The following ALDH1L2 variants were observed in gnomAD, a reference collection of about 807,000 sequenced individuals.
The protein encoded by ALDH1L2 is aldehyde dehydrogenase 1 family member L2.
Under a neutral mutation model 111.0 loss-of-function variants are expected in ALDH1L2, and 91 were observed. The ratio of observed to expected loss-of-function variants is 0.82; its 90% CI spans 0.69 to 0.98. The LOEUF (loss-of-function observed/expected upper bound fraction) is 0.98, where lower values mean the gene tolerates loss of function less well. ALDH1L2 is among the 50% of genes least tolerant of loss of function. The pLI is 0.00. For synonymous variants in ALDH1L2, 374 were observed against 392.6 expected (o/e 0.95, Z 0.56); for missense variants, 995 against 1,126.8 (o/e 0.88, Z 1.67).
At chr12:105,045,733 G>T (rs944531648) in intron 15 of ALDH1L2, among the ~76,000 whole-genome samples, 3 of 151,988 alleles carry the variant, frequency 2.0e-5, no homozygotes, top group African/African-American at 7.3e-5. Context: ...CAAAATGGCC[G>T]TGGCCACATG....
chr12:105,037,922 G>A (rs190797315), intron 18 of ALDH1L2, among the ~76,000 whole-genome samples, 181 bp downstream of exon 18: 21 of 152,052 alleles, frequency 1.4e-4, no homozygotes, highest in Admixed American at 1.2e-3. Context: ...CCACCACCAC[G>A]CACGGCTAAT....
chr12:105,036,540 AT>A, intron 18 of ALDH1L2, among the ~76,000 whole-genome samples: 1 of 42,674 alleles, frequency 2.3e-5, no homozygotes. Flanking sequence ...ATATATATAT[AT>A]ATATATATAT....
rs115423782 is a variant in ALDH1L2, at chr12:105,084,317, C to T, written c.48+72G>A. On this transcript the variant is annotated intron_variant, in intron 1 of 22. Transcript: ENST00000258494. ...CTGCTCATCCCCAGCCCCACCGCCC[C>T]GGCCCTCCCGCCCCGGAGTCTGGAA... is the stretch of plus-strand genomic sequence containing the variant. 15,954 of 1,468,992 alleles carry T rather than the reference C, an allele frequency of 0.011. 1,489 individuals carry two copies. The African/African-American group carries it at 0.2, about 19-fold the overall frequency. 91.0% of individuals were successfully genotyped at this position (1,468,992 alleles called of 1,614,324 possible).
At chr12:105,072,748 C>T (rs894973419) in intron 2 of ALDH1L2, among the ~76,000 whole-genome samples, 11 of 152,050 alleles carry the variant, frequency 7.2e-5, no homozygotes, top group African/African-American at 1.7e-4. Context: ...CCAAGGTGGG[C>T]GGATCACCTG....
chr12:105,054,985 C>CA (rs1277144973), intron 10 of ALDH1L2, among the ~76,000 whole-genome samples: 1 of 151,994 alleles, frequency 6.6e-6, no homozygotes, highest in East Asian at 1.9e-4. Flanking sequence ...AATGGCTGAC[C>CA]AAAAAACAAG....
In ALDH1L2 at chr12:105,023,386, A is replaced by G. The variant is rs1411591526; in HGVS notation, c.*1038T>C. The G allele has an allele frequency of 1.3e-5, 2 of 152,234 alleles. No individual in the cohort carries two copies. Among genetic ancestry groups the G allele is most frequent in the African/African-American group, 4.8e-5 (2 of 41,460 alleles). 9.4% of individuals were successfully genotyped at this position (152,234 alleles called of 1,614,324 possible). On this transcript the variant is annotated 3_prime_UTR_variant, in exon 23 of 23. Coordinates refer to ENST00000258494, the MANE Select transcript of ALDH1L2 (RefSeq NM_001034173.4). ...GTGTGGCATTTTTCAGTGCTGCTGT[A>G]TCAGGCATTGTGTCAGAACAATGGA...
chr12:105,046,490 C>T (rs1443511745), intron 15 of ALDH1L2, among the ~76,000 whole-genome samples: 1 of 151,528 alleles, frequency 6.6e-6, no homozygotes, highest in Non-Finnish European at 1.5e-5. Flanking sequence ...ACCATGCTTG[C>T]TTCTATTATT....
rs1239247084 is a variant in ALDH1L2, at chr12:105,034,458, A to G, written c.2146-60T>C. 2.0e-5 allele frequency: 29 copies of G among 1,455,546 alleles called. No homozygotes were observed. The South Asian group carries it at 3.4e-4, about 17-fold the overall frequency. The allele number at this position is 1,455,546 out of a possible 1,614,324, so 90.2% of individuals were successfully genotyped here. A position where few individuals can be genotyped will look rare whatever the true frequency, so the allele number is the denominator to read the frequency against. ...ATTTGAGAAGTCAAGATTCTCATAAAGTTGTACACAGAGGGAGTTAGTTGT... is the reference window on the plus strand; with the variant it reads ...ATTTGAGAAGTCAAGATTCTCATAAGGTTGTACACAGAGGGAGTTAGTTGT... On this transcript the variant is annotated intron_variant, in intron 18 of 22. Coordinates refer to ENST00000258494, the MANE Select transcript of ALDH1L2 (RefSeq NM_001034173.4).
intron 3 of ALDH1L2, 98 bp from the exon 4 acceptor site, chr12:105,068,982 T>C: frequency 1.1e-5 from 13 of 1,135,608 alleles, no homozygotes; most frequent in East Asian, 3.0e-5. Flanking sequence ...AATGGAAAAG[T>C]AGACAATGAA....
At chr12:105,049,546 C>T (rs542676423) in intron 13 of ALDH1L2, 73 of 156,404 alleles carry the variant, frequency 4.7e-4, no homozygotes, top group African/African-American at 1.0e-3. Context: ...GGATCAATGC[C>T]GCTATAAAAA....
At chr12:105,039,877 T>C in intron 16 of ALDH1L2, 71 bp from the exon 17 acceptor site, 1 of 1,365,426 alleles carries the variant, frequency 7.3e-7, no homozygotes, top group Non-Finnish European at 1.0e-6. Context: ...ACGCCTGTAA[T>C]CCCCGCACTT....
rs79748195 is a variant in ALDH1L2, at chr12:105,083,306, C to T, written c.48+1083G>A. Among the ~76,000 whole-genome samples, 487 of 152,256 alleles carry T rather than the reference C, an allele frequency of 3.2e-3. 4 individuals carry two copies. The highest frequency in any genetic ancestry group is 0.011 in the African/African-American group (463 of 41,528). Reference sequence around the variant, plus strand: ...GGGTCCAGGAGAGCAGGCCAAAGTCCTAGCAGAGCAGGTCTTCCCCACCCC... The same window carrying T: ...GGGTCCAGGAGAGCAGGCCAAAGTCTTAGCAGAGCAGGTCTTCCCCACCCC... On this transcript the variant is annotated intron_variant, in intron 1 of 22. Coordinates refer to ENST00000258494, the MANE Select transcript of ALDH1L2 (RefSeq NM_001034173.4).
chr12:105,070,555 A>C lies in ALDH1L2; in HGVS notation c.428+15T>G. 1 of 1,587,992 alleles carries C rather than the reference A, an allele frequency of 6.3e-7. No individual in the cohort carries two copies. The highest frequency in any genetic ancestry group is 1.4e-5 in the African/African-American group (1 of 73,462). On this transcript the variant is annotated intron_variant, in intron 3 of 22. Transcript: ENST00000258494. ...CCCCATCTCAAAAAAAAAAAGTAAA[A>C]AGAAAAAATCTCACCAATTGATAGC...
At chr12:105,049,139 G>C (rs1429049421) in intron 13 of ALDH1L2, among the ~76,000 whole-genome samples, 2 of 152,024 alleles carry the variant, frequency 1.3e-5, no homozygotes, top group Non-Finnish European at 1.5e-5. Context: ...GTAGCTCTCT[G>C]GCCTCTGTAG....
chr12:105,073,869 T>A lies in ALDH1L2; in HGVS notation c.185A>T (p.Asp62Val). Reference protein sequence around the residue: ...FTVPDKDGKADPLALAAEKDG... With the variant: ...FTVPDKDGKAVPLALAAEKDG... ...TCCCAAGATGCACTCACCCAGAGGG[T>A]CAGCTTTTCCATCCTTGTCTGGAAC... Residue 62 changes from aspartate (D) to valine (V), a missense_variant, in exon 2 of 23, where the codon GAC becomes GTC. Transcript: ENST00000258494. 6.2e-7 allele frequency: 1 copy of A among 1,614,040 alleles called. No individual in the cohort carries two copies. Among genetic ancestry groups the A allele is most frequent in the Non-Finnish European group, 8.5e-7 (1 of 1,180,006 alleles).
chr12:105,071,658 TTTTTTTTTTTTTTTG>T (rs1388909853), intron 2 of ALDH1L2, among the ~76,000 whole-genome samples: 2 of 55,296 alleles, frequency 3.6e-5, no homozygotes, highest in African/African-American at 6.5e-5. Flanking sequence ...TTTTTTTTTT[TTTTTTTTTTTTTTTG>T]TGAGACGGAG....
chr12:105,057,325 G>A (rs1437392792), intron 10 of ALDH1L2, among the ~76,000 whole-genome samples: 1 of 152,066 alleles, frequency 6.6e-6, no homozygotes, highest in Non-Finnish European at 1.5e-5. Flanking sequence ...ACATAATGGT[G>A]TAGCCACTTC....
In ALDH1L2 at chr12:105,034,337, A is replaced by T. The variant is rs377327440; in HGVS notation, c.2207T>A (p.Val736Glu). The T allele has an allele frequency of 1.4e-5, 22 of 1,613,900 alleles. No individual in the cohort carries two copies. The African/African-American group carries it at 2.8e-4, about 21-fold the overall frequency. Residue 736 changes from valine (V) to glutamate (E), a missense_variant, in exon 19 of 23, where the codon GTG (valine) becomes GAG (glutamate). Physicochemically the swap from Val to Glu is moderately radical, Grantham distance 121 (BLOSUM62 -2). Transcript: ENST00000258494. ...AAATTCGTCGTGGATGGATTCTTCCACGAACAACCGCCCAGCAGCAATACA... is the reference window on the plus strand; with the variant it reads ...AAATTCGTCGTGGATGGATTCTTCCTCGAACAACCGCCCAGCAGCAATACA... ...ENCIAAGRLFVEESIHDEFVT... is the reference protein window; with the variant it reads ...ENCIAAGRLFEEESIHDEFVT...
chr12:105,039,130 C>T (rs995435304), intron 17 of ALDH1L2, among the ~76,000 whole-genome samples: 22 of 152,064 alleles, frequency 1.4e-4, no homozygotes, highest in African/African-American at 3.9e-4. Flanking sequence ...ATAGCTTTTG[C>T]GTTGTTTAAC....
Sources: allele counts gnomAD v4.1 joint callset (sites outside exome capture counted in the v4.1 genomes callset), GRCh38; gene constraint gnomAD v4.1.1; transcripts MANE v1.5; gene names NCBI Gene and HGNC (gene_info 2026-07-23, HGNC 2026-07-21).